Variants in LOC400499 observed in about 807,000 individuals in gnomAD.
chr16:11,421,302 G>A, the LOC400499 span, among the ~76,000 whole-genome samples: 1 of 152,162 alleles, frequency 6.6e-6, no homozygotes, highest in Non-Finnish European at 1.5e-5. Context: ...TTCCCCCCAG[G>A]ACTAGGCATT....
chr16:11,380,033 A>ATGTAACCTCAAGCCCCTGGACTCAAGT, the LOC400499 span, among the ~76,000 whole-genome samples: 14 of 152,090 alleles, frequency 9.2e-5, no homozygotes, highest in African/African-American at 3.1e-4. Flanking sequence ...TCACAGCTCA[A>ATGTAACCTCAAGCCCCTGGACTCAAGT]TGTAACCTCA....
At chr16:11,463,813 ATGTG>A in the LOC400499 span, among the ~76,000 whole-genome samples, 2 of 152,116 alleles carry the variant, frequency 1.3e-5, no homozygotes, top group Non-Finnish European at 2.9e-5. Context: ...GTGTATGAAT[ATGTG>A]TGTATGGACG....
chr16:11,379,768 T>C, the LOC400499 span, among the ~76,000 whole-genome samples: 2 of 152,250 alleles, frequency 1.3e-5, no homozygotes, highest in Non-Finnish European at 2.9e-5. Flanking sequence ...GTTTAATTGA[T>C]GTTTTTATTG....
At chr16:11,495,512 C>G in the LOC400499 span, among the ~76,000 whole-genome samples, 1 of 152,088 alleles carries the variant, frequency 6.6e-6, no homozygotes, top group Non-Finnish European at 1.5e-5. Context: ...TCCCACGTAG[C>G]TGAGATTACA....
chr16:11,446,613 T>C, the LOC400499 span: 1 of 1,536,120 alleles, frequency 6.5e-7, no homozygotes, highest in East Asian at 2.4e-5. Flanking sequence ...TGCCATCGTA[T>C]GGATGCATCA....
At chr16:11,519,107 C>A in the LOC400499 span, 1 of 396,998 alleles carries the variant, frequency 2.5e-6, no homozygotes, top group Non-Finnish European at 4.4e-6. Context: ...AGAGACCCCT[C>A]CCTTGACCAG....
At chr16:11,397,773 TGGAG>T in the LOC400499 span, among the ~76,000 whole-genome samples, 56 of 34,694 alleles carry the variant, frequency 1.6e-3, no homozygotes, top group South Asian at 6.1e-3. Context: ...GAGGGAGGGA[TGGAG>T]GGAGGGAGGG....
At chr16:11,513,126 C>T in the LOC400499 span, among the ~76,000 whole-genome samples, 30 of 152,280 alleles carry the variant, frequency 2.0e-4, no homozygotes, top group South Asian at 5.6e-3. Context: ...CGGGGTTCAA[C>T]AGTTCACACC....
the LOC400499 span, among the ~76,000 whole-genome samples, chr16:11,499,545 C>T: frequency 6.6e-6 from 1 of 152,060 alleles, no homozygotes; most frequent in Admixed American, 6.6e-5. Context: ...GCAGAGCCAA[C>T]AACACAGTCT....
At chr16:11,520,660 CCAT>C in the LOC400499 span, among the ~76,000 whole-genome samples, 2 of 105,242 alleles carry the variant, frequency 1.9e-5, no homozygotes, top group African/African-American at 9.6e-5. Context: ...GAGTGAGACT[CCAT>C]CAAAAAAAAA....
At chr16:11,379,627 C>T in the LOC400499 span, among the ~76,000 whole-genome samples, 2 of 152,366 alleles carry the variant, frequency 1.3e-5, no homozygotes, top group Admixed American at 1.3e-4. Flanking sequence ...CTGCGGTGAC[C>T]AGTTGCTGTG....
chr16:11,484,972 T>C, the LOC400499 span: 1 of 398,932 alleles, frequency 2.5e-6, no homozygotes, highest in East Asian at 3.6e-5. Context: ...GCCCTGGGGG[T>C]TCCTCTGGCT....
chr16:11,490,023 G>A, the LOC400499 span, among the ~76,000 whole-genome samples: 13 of 152,102 alleles, frequency 8.5e-5, no homozygotes, highest in African/African-American at 2.9e-4. Flanking sequence ...ACTTCTGGCG[G>A]AACACCCACA....
At chr16:11,482,016 T>G in the LOC400499 span, among the ~76,000 whole-genome samples, 1 of 152,146 alleles carries the variant, frequency 6.6e-6, no homozygotes, top group Non-Finnish European at 1.5e-5. Context: ...ATGATTCCAT[T>G]TATATAAAGT....
At chr16:11,439,098 G>GA in the LOC400499 span, among the ~76,000 whole-genome samples, 3 of 152,148 alleles carry the variant, frequency 2.0e-5, no homozygotes, top group Non-Finnish European at 4.4e-5. Context: ...TTGGTGGGGG[G>GA]GACAGGGCTC....
the LOC400499 span, chr16:11,502,005 C>T: frequency 7.5e-6 from 3 of 398,104 alleles, no homozygotes; most frequent in African/African-American, 2.1e-5. Flanking sequence ...CAGGACAGCA[C>T]GAAGACTCCT....
the LOC400499 span, among the ~76,000 whole-genome samples, chr16:11,394,518 G>A: frequency 3.7e-4 from 56 of 152,376 alleles, no homozygotes; most frequent in Non-Finnish European, 6.0e-4. Context: ...GTGTGTGCGC[G>A]TGCACGTATG....
At chr16:11,488,199 A>T in the LOC400499 span, among the ~76,000 whole-genome samples, 1 of 152,022 alleles carries the variant, frequency 6.6e-6, no homozygotes, top group Admixed American at 6.6e-5. Context: ...CTTTACAGAG[A>T]GTTAAGGTGA....
the LOC400499 span, among the ~76,000 whole-genome samples, chr16:11,504,881 C>T: frequency 2.0e-5 from 3 of 151,984 alleles, no homozygotes; most frequent in Non-Finnish European, 4.4e-5. Context: ...CAAGATCGCA[C>T]AACTGCACTC....
Sources: gnomAD v4.1 joint callset for allele counts (sites outside exome capture counted in the v4.1 genomes callset) on GRCh38, gnomAD v4.1.1 for gene constraint, MANE v1.5 for transcripts.